The following KCNMA1 variants were observed in gnomAD, a reference collection of about 807,000 sequenced individuals.
KCNMA1 encodes the protein Calcium-activated potassium channel subunit alpha-1.
KCNMA1 carries 29 observed loss-of-function variants against 140.0 expected under a neutral mutation model. The ratio of observed to expected loss-of-function variants is 0.21; its 90% CI spans 0.15 to 0.28. The LOEUF is 0.28. KCNMA1 is among the 10% of genes least tolerant of loss of function. The pLI is 1.00. For synonymous variants in KCNMA1, 612 were observed against 611.9 expected, an observed-to-expected ratio of 1.00 and a Z score of 0.00; for missense variants, 880 against 1,602.2, an observed-to-expected ratio of 0.55 and a Z score of 7.70.
At chr10:77,401,797 C>T (rs929634720) in intron 2 of KCNMA1, among the ~76,000 whole-genome samples, 1 of 152,118 alleles carries the variant, frequency 6.6e-6, no homozygotes, top group Non-Finnish European at 1.5e-5. Context: ...AAAGACTTTC[C>T]TCCCTATGAA....
chr10:77,415,673 T>C (rs887706280), intron 1 of KCNMA1, among the ~76,000 whole-genome samples: 1 of 152,224 alleles, frequency 6.6e-6, no homozygotes, highest in South Asian at 2.1e-4. Context: ...TGCCATCCTG[T>C]AGACCAGGAG....
chr10:77,141,892 T>C (rs1325953227), intron 5 of KCNMA1, among the ~76,000 whole-genome samples: 1 of 152,226 alleles, frequency 6.6e-6, no homozygotes, highest in African/African-American at 2.4e-5. Context: ...GATTAGTTCA[T>C]TCACCTGACC....
At chr10:77,376,235 A>G (rs2095094208) in intron 2 of KCNMA1, among the ~76,000 whole-genome samples, 1 of 152,140 alleles carries the variant, frequency 6.6e-6, no homozygotes, top group Non-Finnish European at 1.5e-5. Flanking sequence ...TCAGGTACCT[A>G]GTTGGCTTCC....
chr10:77,503,050 G>C (rs1284554713), intron 1 of KCNMA1, among the ~76,000 whole-genome samples: 2 of 152,154 alleles, frequency 1.3e-5, no homozygotes, highest in East Asian at 1.9e-4. Flanking sequence ...CCAGGAGTTT[G>C]AGACAAGCCT....
chr10:77,211,797 T>A (rs1460533447), intron 3 of KCNMA1, among the ~76,000 whole-genome samples: 1 of 151,898 alleles, frequency 6.6e-6, no homozygotes, highest in Non-Finnish European at 1.5e-5. Context: ...AGACATGAAA[T>A]GACACTTCTC....
chr10:77,270,670 C>T (rs1600721608), intron 2 of KCNMA1, among the ~76,000 whole-genome samples: 1 of 145,978 alleles, frequency 6.9e-6, no homozygotes, highest in African/African-American at 2.7e-5. Flanking sequence ...TACAGGTGCA[C>T]ACCACCACAC....
intron 3 of KCNMA1, among the ~76,000 whole-genome samples, chr10:77,193,573 A>G (rs1265690395): frequency 6.6e-6 from 1 of 152,188 alleles, no homozygotes; most frequent in Non-Finnish European, 1.5e-5. Flanking sequence ...CACATATACC[A>G]GAAGACAGAG....
At chr10:77,495,166 A>G (rs1206267234) in intron 1 of KCNMA1, among the ~76,000 whole-genome samples, 2 of 152,250 alleles carry the variant, frequency 1.3e-5, no homozygotes, top group African/African-American at 2.4e-5. Context: ...ACAGCTTTTT[A>G]AAAAGCCAAA....
Position 77,079,527 on chromosome 10 carries a change from T to A in KCNMA1, c.1547A>T (p.His516Leu). 1.2e-6 allele frequency: 2 copies of A among 1,611,882 alleles called. No homozygotes were observed. Among genetic ancestry groups the A allele is most frequent in the Non-Finnish European group, 1.7e-6 (2 of 1,177,934 alleles). The stretch of plus-strand genomic sequence containing the variant: ...TTGAGTGATGATTCTTATCTTCGGA[T>A]GGTAGTTCTTTATGGAGATTACTCT... ...IMRVISIKNY[H>L]PKIRIITQML... is the part of the protein sequence containing the mutation. The change falls in exon 13 of 28, where the codon CAT becomes CTT. Residue 516 changes from histidine to leucine, a missense_variant. Around this residue, in one of 13 missense-constraint regions of KCNMA1, gnomAD observed 198 missense variants for 580.1 expected, o/e 0.34. Transcript: ENST00000286628.
chr10:77,460,688 T>C (rs1341018031), intron 1 of KCNMA1, among the ~76,000 whole-genome samples: 1 of 152,090 alleles, frequency 6.6e-6, no homozygotes, highest in Non-Finnish European at 1.5e-5. Context: ...AAGTGATGGG[T>C]ACACTAAAAG....
intron 1 of KCNMA1, among the ~76,000 whole-genome samples, chr10:77,411,821 C>T (rs1336376554): frequency 6.6e-6 from 1 of 152,212 alleles, no homozygotes. Context: ...TAAATTCACC[C>T]TTCGTGGAGC....
intron 3 of KCNMA1, among the ~76,000 whole-genome samples, chr10:77,228,090 G>A (rs2052181098): frequency 6.6e-6 from 1 of 151,340 alleles, no homozygotes; most frequent in Non-Finnish European, 1.5e-5. Flanking sequence ...TCAGCCTCCT[G>A]AGTAGCTGGG....
chr10:77,368,281 C>T (rs1272108645), intron 2 of KCNMA1, among the ~76,000 whole-genome samples: 4 of 152,184 alleles, frequency 2.6e-5, no homozygotes, highest in Non-Finnish European at 4.4e-5. Flanking sequence ...TTGCATTTCC[C>T]TAATGGCTAA....
At chr10:76,984,298 T>G (rs955436216) in intron 19 of KCNMA1, among the ~76,000 whole-genome samples, 30 of 152,012 alleles carry the variant, frequency 2.0e-4, no homozygotes, top group Non-Finnish European at 4.1e-4. Context: ...TACCTCCCAG[T>G]TCAAGCAACT....
At chr10:77,102,367 A>G (rs542780957) in intron 9 of KCNMA1, among the ~76,000 whole-genome samples, 1 of 152,370 alleles carries the variant, frequency 6.6e-6, no homozygotes, top group Admixed American at 6.5e-5. Context: ...ACAGCCAGGC[A>G]GGAGGGAATA....
At chr10:77,564,155 A>G (rs765947531) in intron 1 of KCNMA1, among the ~76,000 whole-genome samples, 2 of 152,250 alleles carry the variant, frequency 1.3e-5, no homozygotes, top group Non-Finnish European at 2.9e-5. Context: ...AGAGAAGAAC[A>G]GAGATGAGGA....
At chr10:77,420,205 A>G (rs1267430932) in intron 1 of KCNMA1, among the ~76,000 whole-genome samples, 2 of 152,180 alleles carry the variant, frequency 1.3e-5, no homozygotes, top group Non-Finnish European at 2.9e-5. Context: ...AGCAATCAGG[A>G]GTCTAGATTG....
intron 20 of KCNMA1, among the ~76,000 whole-genome samples, chr10:76,966,760 G>A (rs1387069941): frequency 6.6e-6 from 1 of 152,142 alleles, no homozygotes; most frequent in East Asian, 1.9e-4. Context: ...CCGGGGACTT[G>A]GAAGCCTCCA....
At chr10:77,516,965 T>G (rs2050730419) in intron 1 of KCNMA1, among the ~76,000 whole-genome samples, 1 of 144,424 alleles carries the variant, frequency 6.9e-6, no homozygotes, top group Admixed American at 6.9e-5. Flanking sequence ...AGGGTGAGGG[T>G]GTTTGTGGAC....
Sources: gnomAD v4.1 joint callset for allele counts (sites outside exome capture counted in the v4.1 genomes callset) on GRCh38, gnomAD v4.1.1 for gene constraint, gnomAD v4.1.1 regional missense constraint, MANE v1.5 for transcripts, NCBI Gene and HGNC (gene_info 2026-07-23, HGNC 2026-07-21) for gene names.